The following SPAG5 variants were observed in gnomAD, a reference collection of about 807,000 sequenced individuals.
SPAG5 encodes sperm-associated antigen 5.
A neutral mutation model predicts 145.4 loss-of-function variants in SPAG5; 99 were observed. The ratio of observed to expected loss-of-function variants is 0.68; its 90% confidence interval spans 0.58 to 0.80. SPAG5 has a LOEUF of 0.80. SPAG5 is among the 30% of genes least tolerant of loss of function. SPAG5 has a pLI of 0.00. For missense variants in SPAG5, 1,192 were observed against 1,416.0 expected, an observed-to-expected ratio of 0.84 and a Z score of 2.54; for synonymous variants, 477 against 525.4, an observed-to-expected ratio of 0.91 and a Z score of 1.26.
intron 4 of SPAG5, 77 bp downstream of exon 4, chr17:28,591,621 G>T: frequency 2.2e-6 from 3 of 1,352,422 alleles, no homozygotes; most frequent in Non-Finnish European, 3.1e-6. Context: ...AGTCCCCTTT[G>T]CCCTCTGGCA....
intron 4 of SPAG5, among the ~76,000 whole-genome samples, chr17:28,591,138 C>CA (rs891718341): frequency 6.6e-6 from 1 of 152,022 alleles, no homozygotes; most frequent in Non-Finnish European, 1.5e-5. Flanking sequence ...TCTACCAATG[C>CA]AAAAAACGAA....
At chr17:28,589,835 C>T (rs906105575) in intron 4 of SPAG5, among the ~76,000 whole-genome samples, 1 of 152,120 alleles carries the variant, frequency 6.6e-6, no homozygotes, top group Non-Finnish European at 1.5e-5. Flanking sequence ...TCACCTGAGC[C>T]AAGGAAGCTG....
intron 15 of SPAG5, 45 bp from the exon 16 acceptor site, chr17:28,580,165 A>G: frequency 7.4e-7 from 1 of 1,347,394 alleles, no homozygotes; most frequent in Non-Finnish European, 1.0e-6. Flanking sequence ...GGTCTAGTGA[A>G]CTCCTGGGCT....
rs747457855 is a variant in SPAG5, at chr17:28,585,868, T to A, written c.1736A>T (p.Asp579Val). Residue 579 changes from aspartate to valine, a missense_variant, in exon 7 of 24, where the codon GAT becomes GTT. Asp to Val is a radical substitution (Grantham distance 152). This residue lies in a region of SPAG5 where 709 missense variants were observed against 840.7 expected (regional missense o/e 0.84). Transcript: ENST00000321765. ...AACAAATGCCTGTCACCTTACCGCATCCTTGCCTCTGAGAGCCATTTCCTC... is the reference window on the plus strand; with the variant it reads ...AACAAATGCCTGTCACCTTACCGCAACCTTGCCTCTGAGAGCCATTTCCTC... ...HREEMALRGK[D>V]AAEIVLEAFC... 6.2e-7 allele frequency: 1 copy of A among 1,614,220 alleles called. No individual in the cohort carries two copies. Among genetic ancestry groups the A allele is most frequent in the African/African-American group, 1.3e-5 (1 of 75,054 alleles).
intron 2 of SPAG5, 139 bp from the exon 3 acceptor site, chr17:28,593,205 T>C: frequency 8.7e-7 from 1 of 1,152,152 alleles, no homozygotes; most frequent in Admixed American, 2.7e-5. Flanking sequence ...CTAATCTTTG[T>C]TGCTCATATA....
At chr17:28,598,347 AC>A in intron 2 of SPAG5, 162 bp downstream of exon 2, 1 of 763,546 alleles carries the variant, frequency 1.3e-6, no homozygotes. Context: ...TCCTTTAACC[AC>A]CCTAGGGCAC....
Position 28,584,663 on chromosome 17 carries a change from C to A in SPAG5, c.2150G>T (p.Arg717Leu). The change falls in exon 11 of 24, where the codon CGT (arginine) becomes CTT (leucine). Residue 717 changes from arginine to leucine, a missense_variant. By Grantham distance (102) the Arg-to-Leu change is moderately radical. Transcript: ENST00000321765. ...ACACACACAAACACCTGTTGCTAGACGACTGTTTTCCAACTCCAGTTGTTC... is the reference window on the plus strand; with the variant it reads ...ACACACACAAACACCTGTTGCTAGAAGACTGTTTTCCAACTCCAGTTGTTC... ...QTEQLELENS[R>L]LATDLRAQLQ... The A allele has an allele frequency of 6.2e-7, 1 of 1,613,926 alleles. No individual in the cohort carries two copies. The highest frequency in any genetic ancestry group is 8.5e-7 in the Non-Finnish European group (1 of 1,179,848).
chr17:28,587,665 C>T (rs145835894), intron 4 of SPAG5, among the ~76,000 whole-genome samples: 2 of 148,950 alleles, frequency 1.3e-5, no homozygotes, highest in East Asian at 4.0e-4. Context: ...CTGCAGTGAG[C>T]CATGTTCGTG....
chr17:28,590,868 CAA>C (rs60727111), intron 4 of SPAG5, among the ~76,000 whole-genome samples: 5 of 37,430 alleles, frequency 1.3e-4, no homozygotes, highest in South Asian at 1.3e-3. Context: ...GACTCCGTCT[CAA>C]AAAAAAAAAA....
chr17:28,591,875 G>A lies in SPAG5; in HGVS notation c.1263-3C>T. ...AGGCAGTCAGATCTGGAGGCCGGCT[G>A]CAGCAGAAAGAGAAGAACATGACGA... On this transcript the variant is annotated splice_polypyrimidine_tract_variant and splice_region_variant and intron_variant, in intron 3 of 23. Transcript: ENST00000321765. 1.9e-6 allele frequency: 3 copies of A among 1,613,376 alleles called. No homozygotes were observed. Among genetic ancestry groups the A allele is most frequent in the Non-Finnish European group, 2.5e-6 (3 of 1,179,468 alleles).
intron 15 of SPAG5, among the ~76,000 whole-genome samples, chr17:28,583,154 T>A (rs2070559404): frequency 6.6e-6 from 1 of 152,154 alleles, no homozygotes; most frequent in South Asian, 2.1e-4. Context: ...AATTTCTGTA[T>A]TTTTTTGTAG....
At position 28,578,527 on chromosome 17, in the gene SPAG5, C is replaced by T; in HGVS notation, c.3200G>A (p.Ser1067Asn). Residue 1067 changes from serine (S) to asparagine (N), a missense_variant and splice_region_variant, in exon 21 of 24, where the codon AGC becomes AAC. Coordinates refer to ENST00000321765, the MANE Select transcript of SPAG5 (RefSeq NM_006461.4). ...EQIDKSGELI[S>N]LREEVTHLTR... ...AAGGTGGGTCACCTCCTCTCTAAGG[C>T]TCTGGGAATGAGAATGGAGAGGTGT... 1 of 1,610,156 alleles carries T rather than the reference C, an allele frequency of 6.2e-7. No homozygotes were observed. The highest frequency in any genetic ancestry group is 1.7e-5 in the Admixed American group (1 of 60,020).
At position 28,585,710 on chromosome 17, in the gene SPAG5, AG is replaced by A. The variant is rs988166499; in HGVS notation, c.1741-58del. ...GGGCAACAGGGGAGCCAGCACAAAA[AG>A]ATGTAACCATGACACCTCAATAGAT... is the stretch of plus-strand genomic sequence containing the variant. On this transcript the variant is annotated intron_variant, in intron 7 of 23. Transcript: ENST00000321765. 3.4e-5 allele frequency: 54 copies of A among 1,611,372 alleles called. No individual in the cohort carries two copies. The African/African-American group carries it at 6.7e-4, about 20-fold the overall frequency.
chr17:28,584,177 C>G lies in SPAG5; in HGVS notation c.2385G>C (p.Glu795Asp). The change falls in exon 13 of 24, where the codon GAG (glutamate) becomes GAC (aspartate). Residue 795 changes from glutamate (E) to aspartate (D), a missense_variant. By Grantham distance (45) the Glu-to-Asp change is conservative. Around this residue, in one of 5 missense-constraint regions of SPAG5, gnomAD observed 709 missense variants for 840.7 expected, o/e 0.84. Coordinates refer to ENST00000321765, the MANE Select transcript of SPAG5 (RefSeq NM_006461.4). Reference protein sequence around the residue: ...LQQQQAVLAKEVRDLKETLEF... With the variant: ...LQQQQAVLAKDVRDLKETLEF... ...CCAAGGTCTCTTTCAGGTCCCGCAC[C>G]TCTTTGGCCAGGACAGCTTGTTGCT... is the stretch of plus-strand genomic sequence containing the variant. The G allele has an allele frequency of 1.2e-6, 2 of 1,614,118 alleles. No individual in the cohort carries two copies. Among genetic ancestry groups the G allele is most frequent in the Non-Finnish European group, 1.7e-6 (2 of 1,180,038 alleles).
At chr17:28,577,810 C>CTTAA (rs773584880) in intron 23 of SPAG5, 40 bp from the exon 24 acceptor site, 2 of 1,549,480 alleles carry the variant, frequency 1.3e-6, no homozygotes, top group South Asian at 2.2e-5. Context: ...GGACCACAGA[C>CTTAA]TTAAGGCCCA....
At chr17:28,589,461 AATG>A (rs1472902083) in intron 4 of SPAG5, among the ~76,000 whole-genome samples, 2 of 152,132 alleles carry the variant, frequency 1.3e-5, no homozygotes, top group African/African-American at 4.8e-5. Context: ...CATACACCAA[AATG>A]ATGAGATACC....
At position 28,579,854 on chromosome 17, in the gene SPAG5, T is replaced by C; in HGVS notation, c.2798-17A>G. ...ATTCTGGCTCTAAGAGAAAAACCAATAATGGGAGAGGGCCCCTCTGATGAT... is the reference window on the plus strand; with the variant it reads ...ATTCTGGCTCTAAGAGAAAAACCAACAATGGGAGAGGGCCCCTCTGATGAT... On this transcript the variant is annotated splice_polypyrimidine_tract_variant and intron_variant, in intron 16 of 23. Coordinates refer to ENST00000321765, the MANE Select transcript of SPAG5 (RefSeq NM_006461.4). 6.2e-7 allele frequency: 1 copy of C among 1,611,142 alleles called. No individual in the cohort carries two copies.
intron 15 of SPAG5, among the ~76,000 whole-genome samples, chr17:28,582,359 T>C (rs762748719): frequency 2.6e-5 from 4 of 152,198 alleles, no homozygotes; most frequent in Non-Finnish European, 5.9e-5. Context: ...ACGACTCTCA[T>C]ATGTAGTCAG....
intron 15 of SPAG5, 23 bp from the exon 16 acceptor site, chr17:28,580,143 A>G: frequency 6.4e-7 from 1 of 1,569,094 alleles, no homozygotes; most frequent in South Asian, 1.1e-5. Flanking sequence ...AAGAAAAAAT[A>G]GCTGCTGTTC....
Sources: gnomAD v4.1 joint callset for allele counts (sites outside exome capture counted in the v4.1 genomes callset) on GRCh38, gnomAD v4.1.1 for gene constraint, gnomAD v4.1.1 regional missense constraint, MANE v1.5 for transcripts, NCBI Gene and HGNC (gene_info 2026-07-23, HGNC 2026-07-21) for gene names.